The following PIK3CA variants were observed in gnomAD, a reference collection of about 807,000 sequenced individuals.
PIK3CA encodes the protein phosphatidylinositol 4,5-bisphosphate 3-kinase catalytic subunit alpha isoform.
PIK3CA carries 27 observed loss-of-function variants against 138.2 expected under a neutral mutation model. The observed-to-expected ratio is 0.20, with a 90% CI of 0.14 to 0.27. The LOEUF (loss-of-function observed/expected upper bound fraction) is 0.27, where lower values mean the gene tolerates loss of function less well. Ranked by LOEUF, PIK3CA falls within the 10% of genes least tolerant of loss-of-function variation. The pLI, the probability that PIK3CA is intolerant of heterozygous loss-of-function variation, is 1.00. For synonymous variants in PIK3CA, 358 were observed against 413.2 expected (o/e 0.87, Z 1.62); for missense variants, 544 against 1,277.4 (o/e 0.43, Z 8.75).
chr3:179,163,953 A>G (rs530251552), intron 1 of PIK3CA, among the ~76,000 whole-genome samples: 1 of 152,296 alleles, frequency 6.6e-6, no homozygotes, highest in East Asian at 1.9e-4. Flanking sequence ...AAATCAACAT[A>G]CAGTTTGACC....
intron 1 of PIK3CA, among the ~76,000 whole-genome samples, chr3:179,196,556 C>G (rs753804295): frequency 1.3e-5 from 2 of 152,190 alleles, no homozygotes; most frequent in African/African-American, 2.4e-5. Context: ...ATAGTTTCAA[C>G]TATCAAAAAA....
intron 1 of PIK3CA, among the ~76,000 whole-genome samples, chr3:179,176,041 T>C (rs1723689552): frequency 6.6e-6 from 1 of 152,212 alleles, no homozygotes. Flanking sequence ...TTTCTCTAGT[T>C]TTGAATCCTT....
At chr3:179,161,776 A>G (rs572489713) in intron 1 of PIK3CA, among the ~76,000 whole-genome samples, 56 of 152,284 alleles carry the variant, frequency 3.7e-4, no homozygotes, top group African/African-American at 1.3e-3. Context: ...GTAATTCCAA[A>G]TGTTCCATTT....
Position 179,199,731 on chromosome 3 carries a change from A to G in PIK3CA, c.394A>G (p.Lys132Glu). The change falls in exon 3 of 21, where the codon AAA becomes GAA. Residue 132 changes from lysine (K) to glutamate (E), a missense_variant. Coordinates refer to ENST00000263967, the MANE Select transcript of PIK3CA (RefSeq NM_006218.4). The stretch of plus-strand genomic sequence containing the variant: ...GCCAGTGTGTGAATTTGATATGGTT[A>G]AAGATCCAGAAGTACAGGACTTCCG... ...GMPVCEFDMV[K>E]DPEVQDFRRN... is the part of the protein sequence containing the mutation. 6.2e-7 allele frequency: 1 copy of G among 1,613,230 alleles called. No homozygotes were observed. The highest frequency in any genetic ancestry group is 8.5e-7 in the Non-Finnish European group (1 of 1,179,340).
In PIK3CA at chr3:179,219,760, A is replaced by C. The variant is rs754379025; in HGVS notation, c.1911+25A>C. 1.4e-6 allele frequency: 2 copies of C among 1,429,584 alleles called. No individual in the cohort carries two copies. Among genetic ancestry groups the C allele is most frequent in the Admixed American group, 3.8e-5 (2 of 52,444 alleles). The allele number at this position is 1,429,584 out of a possible 1,614,324, so 88.6% of individuals were successfully genotyped here. A position where few individuals can be genotyped will look rare whatever the true frequency, so the allele number is the denominator to read the frequency against. On this transcript the variant is annotated intron_variant, in intron 12 of 20. Coordinates refer to ENST00000263967, the MANE Select transcript of PIK3CA (RefSeq NM_006218.4). This position sits in a 1 kb window ranked among gnomAD's most constrained non-coding sequence, Gnocchi z 4.2. ...GGTAAAATAATGTAAAATAGTAAATAATGTTTAATTACAATAATAATTTAT... is the reference window on the plus strand; with the variant it reads ...GGTAAAATAATGTAAAATAGTAAATCATGTTTAATTACAATAATAATTTAT...
In PIK3CA at chr3:179,210,559, A is replaced by G. The variant is rs1724685145; in HGVS notation, c.1533A>G (p.Ala511=). Residue 511 remains alanine, a synonymous_variant, in exon 9 of 21, where the codon GCA becomes GCG. Transcript: ENST00000263967. ...AAGCAGGATTTAGCTATTCCCACGC[A>G]GGACTGGTAAGGCAAATCACTGAGT... ...SREAGFSYSH[A]GLSNRLARDN... 1 of 1,613,612 alleles carries G rather than the reference A, an allele frequency of 6.2e-7. No homozygotes were observed. Among genetic ancestry groups the G allele is most frequent in the Non-Finnish European group, 8.5e-7 (1 of 1,179,778 alleles).
intron 1 of PIK3CA, among the ~76,000 whole-genome samples, chr3:179,148,905 T>C (rs1722930803): frequency 6.6e-6 from 1 of 151,892 alleles, no homozygotes; most frequent in Non-Finnish European, 1.5e-5. Context: ...GTTGAGGAAG[T>C]GCGCCCAGGG....
At chr3:179,218,398 G>A in intron 10 of PIK3CA, 64 bp downstream of exon 10, 1 of 1,413,308 alleles carries the variant, frequency 7.1e-7, no homozygotes, top group East Asian at 2.4e-5. Flanking sequence ...AACTGAATTT[G>A]GCTGATCTCA....
chr3:179,163,989 TATA>T (rs1325526549), intron 1 of PIK3CA, among the ~76,000 whole-genome samples: 7 of 152,186 alleles, frequency 4.6e-5, no homozygotes, highest in Non-Finnish European at 7.4e-5. Context: ...CAGCATTAGA[TATA>T]ATAATTTACA....
At chr3:179,173,404 CAAAAAA>C (rs749831764) in intron 1 of PIK3CA, among the ~76,000 whole-genome samples, 4 of 43,110 alleles carry the variant, frequency 9.3e-5, no homozygotes, top group South Asian at 1.0e-3. Flanking sequence ...GCTAAAAATA[CAAAAAA>C]AAAAAAAAAA....
chr3:179,172,135 GA>G (rs1324051239), intron 1 of PIK3CA, among the ~76,000 whole-genome samples: 1 of 151,000 alleles, frequency 6.6e-6, no homozygotes, highest in Non-Finnish European at 1.5e-5. Context: ...AGATATATTT[GA>G]AAAAAAAGTG....
intron 1 of PIK3CA, among the ~76,000 whole-genome samples, chr3:179,182,696 A>T (rs955377154): frequency 6.6e-6 from 1 of 152,072 alleles, no homozygotes; most frequent in African/African-American, 2.4e-5. Flanking sequence ...TATTCTACTC[A>T]CTGATCATGT....
intron 1 of PIK3CA, among the ~76,000 whole-genome samples, 192 bp from the exon 2 acceptor site, chr3:179,198,556 ATC>A (rs1553820283): frequency 6.6e-6 from 1 of 152,218 alleles, no homozygotes; most frequent in Non-Finnish European, 1.5e-5. Flanking sequence ...GGTTTTTCTA[ATC>A]TCTGCTGAAA....
intron 5 of PIK3CA, among the ~76,000 whole-genome samples, chr3:179,204,124 G>A (rs1022398832): frequency 6.6e-5 from 10 of 152,178 alleles, no homozygotes; most frequent in East Asian, 3.9e-4. Flanking sequence ...ATAAAATTCC[G>A]GTATCTTATT....
Position 179,209,711 on chromosome 3 carries a change from TC to T in PIK3CA, c.1251+12del. 1 of 1,510,676 alleles carries T rather than the reference TC, an allele frequency of 6.6e-7. No individual in the cohort carries two copies. The highest frequency in any genetic ancestry group is 1.2e-5 in the South Asian group (1 of 83,226). The allele number at this position is 1,510,676 out of a possible 1,614,324, so 93.6% of individuals were successfully genotyped here. A position where few individuals can be genotyped will look rare whatever the true frequency, so the allele number is the denominator to read the frequency against. ...AAGGGTGCTAAAGAGGTAAAGTATT[TC>T]AGAAGGAACAATTATGTTTACCTTT... On this transcript the variant is annotated intron_variant, in intron 7 of 20. Coordinates refer to ENST00000263967, the MANE Select transcript of PIK3CA (RefSeq NM_006218.4).
chr3:179,181,000 GGA>G (rs1466552071), intron 1 of PIK3CA, among the ~76,000 whole-genome samples: 1 of 152,050 alleles, frequency 6.6e-6, no homozygotes, highest in Non-Finnish European at 1.5e-5. Flanking sequence ...GAGAAAGGTC[GGA>G]GAGAGTGTGT....
Position 179,210,250 on chromosome 3 carries a change from GA to G in PIK3CA, c.1321del (p.Met441TrpfsTer3), listed in dbSNP as rs2108400442. 1 of 1,598,320 alleles carries G rather than the reference GA, an allele frequency of 6.3e-7. No homozygotes were observed. The highest frequency in any genetic ancestry group is 8.5e-7 in the Non-Finnish European group (1 of 1,175,968). On this transcript the variant is annotated frameshift_variant, in exon 8 of 21. Coordinates refer to ENST00000263967, the MANE Select transcript of PIK3CA (RefSeq NM_006218.4). LOFTEE classifies it high-confidence loss of function. Reference sequence around the variant, plus strand: ...GATTACACAGACACTCTAGTATCTGGAAAAATGGCTTTGAATCTTTGGCCAG... The same window carrying G: ...GATTACACAGACACTCTAGTATCTGGAAAATGGCTTTGAATCTTTGGCCAG... ...LFDYTDTLVSGKMALNLWPVP... is the reference protein window; with the variant it reads ...LFDYTDTLVSXKMALNLWPVP...
chr3:179,197,957 C>G (rs996028791), intron 1 of PIK3CA, among the ~76,000 whole-genome samples: 2 of 152,158 alleles, frequency 1.3e-5, no homozygotes, highest in Admixed American at 1.3e-4. Flanking sequence ...GAACATTGCA[C>G]TAACAGAGAG....
intron 6 of PIK3CA, among the ~76,000 whole-genome samples, chr3:179,207,717 G>T (rs1724602475): frequency 6.6e-6 from 1 of 151,898 alleles, no homozygotes; most frequent in South Asian, 2.1e-4. Context: ...ATGGGGTTTT[G>T]CCACGTTGGC....
Sources: allele counts gnomAD v4.1 joint callset (sites outside exome capture counted in the v4.1 genomes callset), GRCh38; gene constraint gnomAD v4.1.1; non-coding constraint Gnocchi (gnomAD v3.1); transcripts MANE v1.5; gene names NCBI Gene and HGNC (gene_info 2026-07-23, HGNC 2026-07-21).